Variants in ZHX2 observed in about 807,000 individuals in gnomAD.
ZHX2 encodes zinc fingers and homeoboxes 2, also known as zinc fingers and homeoboxes protein 2.
In ZHX2, 6 loss-of-function variants were observed where a neutral mutation model predicts 21.9. The observed-to-expected ratio is 0.27, with a 90% CI of 0.15 to 0.54. The LOEUF (loss-of-function observed/expected upper bound fraction) is 0.54. Among genes scored for constraint, ZHX2 ranks in the 20% least tolerant of loss-of-function variants. The probability of loss-of-function intolerance (pLI) is 0.95; values close to 1 mark genes in which losing one functional copy is unlikely to be tolerated. For missense variants in ZHX2, 908 were observed against 1,090.7 expected (o/e 0.83, Z 2.36); for synonymous variants, 434 against 437.1 (o/e 0.99, Z 0.09).
At chr8:122,793,346 T>C (rs949752046) in intron 1 of ZHX2, among the ~76,000 whole-genome samples, 11 of 152,184 alleles carry the variant, frequency 7.2e-5, no homozygotes, top group African/African-American at 2.7e-4. Context: ...TCAGCCCCAC[T>C]GATCCTGACC....
In ZHX2 at chr8:122,820,637, G is replaced by A. The variant is rs368839614; in HGVS notation, c.-283+38691G>A. Reference sequence around the variant, plus strand: ...CGGAGAATAGTCACCAGACGACGGGGCTGAGAGAGGGATGCATTTGGGGTG... The same window carrying A: ...CGGAGAATAGTCACCAGACGACGGGACTGAGAGAGGGATGCATTTGGGGTG... On this transcript the variant is annotated intron_variant, in intron 1 of 3. Transcript: ENST00000314393. 6.6e-5 allele frequency among the ~76,000 whole-genome samples: 10 copies of A among 152,282 alleles called. No homozygotes were observed. In the South Asian group the frequency reaches 2.1e-3, roughly 32 times the overall value.
intron 2 of ZHX2, among the ~76,000 whole-genome samples, chr8:122,883,885 C>T (rs72717987): frequency 3.5e-4 from 54 of 152,346 alleles, no homozygotes; most frequent in Non-Finnish European, 6.5e-4. Context: ...AGCTGGCAGA[C>T]ATTTGAGATA....
rs1192359138 is a variant in ZHX2 at position 122,953,801 on chromosome 8, C to T, written c.2291C>T (p.Pro764Leu). The T allele has an allele frequency of 6.2e-7, 1 of 1,614,240 alleles. No homozygotes were observed. The highest frequency in any genetic ancestry group is 8.5e-7 in the Non-Finnish European group (1 of 1,180,044). ...EPAKDCLPAK[P>L]SEATSDRSEG... ...GCAAAAGACTGTTTGCCAGCAAAGCCCTCAGAGGCCACCTCAGACCGGTCA... is the reference window on the plus strand; with the variant it reads ...GCAAAAGACTGTTTGCCAGCAAAGCTCTCAGAGGCCACCTCAGACCGGTCA... The change falls in exon 3 of 4, where the codon CCC becomes CTC. Residue 764 changes from proline (P) to leucine (L), a missense_variant. Coordinates refer to ENST00000314393, the MANE Select transcript of ZHX2 (RefSeq NM_014943.5). The surrounding 1 kb of genome is among the most constrained non-coding windows in gnomAD (Gnocchi z 4.6).
intron 2 of ZHX2, among the ~76,000 whole-genome samples, chr8:122,930,844 A>T (rs1031455823): frequency 3.3e-5 from 5 of 151,890 alleles, no homozygotes; most frequent in African/African-American, 1.2e-4. Flanking sequence ...TGTCAGACCC[A>T]TGGGAAGTAG....
chr8:122,936,626 G>A (rs1477243326), intron 2 of ZHX2, among the ~76,000 whole-genome samples: 1 of 152,230 alleles, frequency 6.6e-6, no homozygotes, highest in East Asian at 1.9e-4. Flanking sequence ...ACAAGTGACA[G>A]AAAACCCCAT....
At chr8:122,830,642 G>A (rs770433431) in intron 1 of ZHX2, among the ~76,000 whole-genome samples, 5 of 152,198 alleles carry the variant, frequency 3.3e-5, no homozygotes, top group African/African-American at 4.8e-5. Context: ...GTGCCTGCAA[G>A]ACAGTTATGT....
At chr8:122,943,177 G>A (rs1240656423) in intron 2 of ZHX2, among the ~76,000 whole-genome samples, 6 of 152,108 alleles carry the variant, frequency 3.9e-5, no homozygotes, top group South Asian at 2.1e-4. Context: ...CAGGAGAATC[G>A]TTTGAGCCCG....
At chr8:122,866,359 TA>T (rs1819296923) in intron 2 of ZHX2, among the ~76,000 whole-genome samples, 1 of 152,074 alleles carries the variant, frequency 6.6e-6, no homozygotes, top group Admixed American at 6.5e-5. Context: ...ATATTTCAGA[TA>T]AAAATTGCAT....
intron 2 of ZHX2, among the ~76,000 whole-genome samples, chr8:122,875,763 A>C (rs1425673666): frequency 1.3e-5 from 2 of 152,240 alleles, no homozygotes; most frequent in African/African-American, 4.8e-5. Context: ...GTGAGATGGG[A>C]CAGAACCAGG....
chr8:122,928,691 G>C (rs1249904628), intron 2 of ZHX2, among the ~76,000 whole-genome samples: 1 of 152,164 alleles, frequency 6.6e-6, no homozygotes, highest in East Asian at 1.9e-4. Flanking sequence ...GAGCCATCTG[G>C]AATGTTACGA....
chr8:122,842,205 G>T (rs11778542), intron 1 of ZHX2, among the ~76,000 whole-genome samples: 1 of 152,074 alleles, frequency 6.6e-6, no homozygotes, highest in African/African-American at 2.4e-5. Context: ...AAATGAGAAG[G>T]TTGTAGGAAA....
intron 3 of ZHX2, among the ~76,000 whole-genome samples, chr8:122,971,952 T>C (rs1374246680): frequency 1.3e-5 from 2 of 152,344 alleles, no homozygotes; most frequent in East Asian, 1.9e-4. Context: ...GAGTCTGTGA[T>C]GGTTGCTTCC....
At chr8:122,819,751 C>T (rs1818102784) in intron 1 of ZHX2, among the ~76,000 whole-genome samples, 3 of 152,274 alleles carry the variant, frequency 2.0e-5, no homozygotes, top group Admixed American at 2.0e-4. Context: ...GGGCACTCCA[C>T]TGGGTCAGGC....
intron 2 of ZHX2, among the ~76,000 whole-genome samples, chr8:122,888,587 A>G (rs1045998399): frequency 4.6e-5 from 7 of 152,082 alleles, no homozygotes; most frequent in African/African-American, 1.4e-4. Context: ...GTTCAAAACG[A>G]TTCTCCTGCC....
chr8:122,852,619 G>A, intron 1 of ZHX2, among the ~76,000 whole-genome samples: 1 of 152,124 alleles, frequency 6.6e-6, no homozygotes, highest in Non-Finnish European at 1.5e-5. Context: ...TTCAGGGAAT[G>A]TACTCTGTCA....
chr8:122,795,560 T>A (rs909863464), intron 1 of ZHX2, among the ~76,000 whole-genome samples: 2 of 150,350 alleles, frequency 1.3e-5, no homozygotes, highest in African/African-American at 4.9e-5. Flanking sequence ...TTTTTTTTTT[T>A]AATAGAGTCT....
At chr8:122,971,611 C>CAAAAAAAAA (rs56331425) in intron 3 of ZHX2, among the ~76,000 whole-genome samples, 6,671 of 81,442 alleles carry the variant, frequency 0.082, 591 homozygotes, top group African/African-American at 0.098. Context: ...GGCCCCTGTA[C>CAAAAAAAAA]AAAAAAAAAA....
chr8:122,895,911 A>G (rs754065846), intron 2 of ZHX2, among the ~76,000 whole-genome samples: 8 of 152,196 alleles, frequency 5.3e-5, no homozygotes, highest in Admixed American at 6.5e-5. Context: ...AAGAGTTTCA[A>G]TCAGCTCACT....
intron 2 of ZHX2, among the ~76,000 whole-genome samples, chr8:122,901,248 T>C (rs970480915): frequency 5.3e-5 from 8 of 152,202 alleles, no homozygotes; most frequent in African/African-American, 1.7e-4. Flanking sequence ...AAAACCACTA[T>C]GCATATGGTC....
Sources: allele counts gnomAD v4.1 joint callset (sites outside exome capture counted in the v4.1 genomes callset), GRCh38; gene constraint gnomAD v4.1.1; non-coding constraint Gnocchi (gnomAD v3.1); transcripts MANE v1.5; gene names NCBI Gene and HGNC (gene_info 2026-07-23, HGNC 2026-07-21).